PPA1: variants seen among roughly 807,000 people sequenced by gnomAD.
The protein encoded by PPA1 is inorganic pyrophosphatase.
PPA1 carries 23 observed loss-of-function variants against 41.8 expected under a neutral mutation model. That is an observed-to-expected ratio of 0.55 (90% confidence interval 0.40 to 0.78). The LOEUF is 0.78. PPA1 is among the 30% of genes least tolerant of loss of function. PPA1 has a pLI of 0.00. For missense variants in PPA1, 320 were observed against 361.6 expected (o/e 0.89, Z 0.93); for synonymous variants, 101 against 116.8 (o/e 0.86, Z 0.87).
chr10:70,232,349 T>C (rs970557876), intron 1 of PPA1, among the ~76,000 whole-genome samples: 1 of 152,148 alleles, frequency 6.6e-6, no homozygotes, highest in Non-Finnish European at 1.5e-5. Context: ...ACGCCTCCGT[T>C]ATCGCCCATA....
At chr10:70,203,349 G>GT (rs1408250568) in intron 10 of PPA1, among the ~76,000 whole-genome samples, 163 bp from the exon 11 acceptor site, 1 of 152,048 alleles carries the variant, frequency 6.6e-6, no homozygotes, top group Non-Finnish European at 1.5e-5. Flanking sequence ...AAATGCAGGT[G>GT]TTTTCTTTTG....
At chr10:70,227,910 AAAAG>A (rs747938523) in intron 2 of PPA1, among the ~76,000 whole-genome samples, 32 of 152,210 alleles carry the variant, frequency 2.1e-4, no homozygotes, top group Non-Finnish European at 4.3e-4. Flanking sequence ...TTTTTTATAC[AAAAG>A]AAAGAAAATC....
intron 2 of PPA1, among the ~76,000 whole-genome samples, chr10:70,228,954 A>G (rs1389792135): frequency 6.6e-6 from 1 of 152,256 alleles, no homozygotes; most frequent in Non-Finnish European, 1.5e-5. Flanking sequence ...TTCGTGTTGT[A>G]TATTGACATC....
chr10:70,206,608 G>A (rs1251987301), intron 8 of PPA1, among the ~76,000 whole-genome samples: 1 of 151,866 alleles, frequency 6.6e-6, no homozygotes, highest in Non-Finnish European at 1.5e-5. Context: ...CACTTTGGGA[G>A]GCTGAGGCAG....
Position 70,218,491 on chromosome 10 carries a change from C to G in PPA1, c.177+273G>C, listed in dbSNP as rs1840102535. On this transcript the variant is annotated intron_variant, in intron 3 of 10. Transcript: ENST00000373232. ...TAAGGAGGGGTCAGTGAAGGGCTTA[C>G]AGAGAGTAAGAGGAGAAAAAGTAAT... The G allele has an allele frequency of 2.3e-5, 9 of 392,268 alleles. No individual in the cohort carries two copies. In the South Asian group the frequency reaches 3.2e-4, roughly 14 times the overall value. The allele number at this position is 392,268 out of a possible 1,614,324, so 24.3% of individuals were successfully genotyped here. A position where few individuals can be genotyped will look rare whatever the true frequency, so the allele number is the denominator to read the frequency against.
chr10:70,204,946 C>T, intron 9 of PPA1, 31 bp from the exon 10 acceptor site: 1 of 1,520,630 alleles, frequency 6.6e-7, no homozygotes, highest in Non-Finnish European at 9.0e-7. Flanking sequence ...ATCTATTAGT[C>T]TAATCTCATT....
intron 7 of PPA1, 134 bp from the exon 8 acceptor site, chr10:70,209,424 T>A (rs1455607287): frequency 3.8e-6 from 5 of 1,318,436 alleles, no homozygotes; most frequent in Admixed American, 2.5e-5. Flanking sequence ...AATATTAAAG[T>A]GAATAAATAA....
At chr10:70,212,878 C>G (rs1049995764) in intron 6 of PPA1, among the ~76,000 whole-genome samples, 1 of 149,902 alleles carries the variant, frequency 6.7e-6, no homozygotes, top group African/African-American at 2.4e-5. Flanking sequence ...ACGGATGAAT[C>G]CTGAAGACAC....
chr10:70,205,635 T>A (rs184654925), intron 9 of PPA1: 33 of 152,244 alleles, frequency 2.2e-4, no homozygotes, highest in African/African-American at 7.2e-4. Flanking sequence ...ACTGGTTTCA[T>A]CATTAAATTG....
chr10:70,212,702 G>A (rs1203251751), intron 6 of PPA1, among the ~76,000 whole-genome samples: 2 of 152,060 alleles, frequency 1.3e-5, no homozygotes, highest in Non-Finnish European at 2.9e-5. Flanking sequence ...GAGAGGAGGA[G>A]GGAATAGGGA....
chr10:70,232,325 T>G (rs188547574), intron 1 of PPA1, among the ~76,000 whole-genome samples: 9 of 152,250 alleles, frequency 5.9e-5, no homozygotes, highest in Admixed American at 2.0e-4. Flanking sequence ...GCGCCTGTGG[T>G]GACACATTTA....
At chr10:70,217,722 C>T in intron 4 of PPA1, 90 bp downstream of exon 4, 1 of 1,199,868 alleles carries the variant, frequency 8.3e-7, no homozygotes, top group East Asian at 2.7e-5. Context: ...AAAAACTCTC[C>T]ACAGGTATTC....
chr10:70,205,505 T>G (rs1839929400), intron 9 of PPA1: 1 of 152,114 alleles, frequency 6.6e-6, no homozygotes, highest in South Asian at 2.1e-4. Context: ...ATTTATAAAA[T>G]ATGGGCAGTG....
chr10:70,209,740 GA>G, intron 6 of PPA1, 55 bp from the exon 7 acceptor site: 1 of 1,510,754 alleles, frequency 6.6e-7, no homozygotes, highest in Non-Finnish European at 9.0e-7. Flanking sequence ...TAAAAAGAAA[GA>G]AGAGAATAAG....
intron 6 of PPA1, 60 bp from the exon 7 acceptor site, chr10:70,209,745 G>C (rs76629972): frequency 0.02 from 29,488 of 1,496,244 alleles, 769 homozygotes; most frequent in African/African-American, 0.12. Flanking sequence ...AGAAAGAAGA[G>C]AATAAGCAGA....
At chr10:70,223,804 A>G (rs973218129) in intron 2 of PPA1, among the ~76,000 whole-genome samples, 1 of 152,204 alleles carries the variant, frequency 6.6e-6, no homozygotes, top group Non-Finnish European at 1.5e-5. Flanking sequence ...TTACAAATTC[A>G]TTCCTTCTTC....
chr10:70,209,231 C>G lies in PPA1; in HGVS notation c.699G>C (p.Lys233Asn). ...AACTGATTCCTTTTCCATTCGTTTT[C>G]TTAGTCACTAATGCTTTCCAATGGT... The part of the protein sequence containing the change: ...THDHWKALVT[K>N]KTNGKGISCM... The change falls in exon 8 of 11, where the codon AAG becomes AAC. Residue 233 changes from lysine (K) to asparagine (N), a missense_variant. Coordinates refer to ENST00000373232, the MANE Select transcript of PPA1 (RefSeq NM_021129.4). The G allele has an allele frequency of 6.2e-7, 1 of 1,602,854 alleles. No homozygotes were observed. Among genetic ancestry groups the G allele is most frequent in the South Asian group, 1.1e-5 (1 of 90,824 alleles).
rs1840265417 is a variant in PPA1 at position 70,229,513 on chromosome 10, T to TA, written c.123+827dup. ...TAAGCCTACCAATCTGTATTAAAGT[T>TA]AGGTTTCTTCTCACTGGTGTATACA... On this transcript the variant is annotated intron_variant, in intron 2 of 10. Coordinates refer to ENST00000373232, the MANE Select transcript of PPA1 (RefSeq NM_021129.4). 2.0e-5 allele frequency among the ~76,000 whole-genome samples: 3 copies of TA among 152,230 alleles called. No individual in the cohort carries two copies. The South Asian group carries it at 6.2e-4, about 32-fold the overall frequency.
rs1217335090 is a variant in PPA1, at chr10:70,203,035, ATTTAC to A, written c.*115_*119del. On this transcript the variant is annotated 3_prime_UTR_variant, in exon 11 of 11. Coordinates refer to ENST00000373232, the MANE Select transcript of PPA1 (RefSeq NM_021129.4). The stretch of plus-strand genomic sequence containing the variant: ...AGTATATTGGATTAGTCACAGCAGA[ATTTAC>A]TTTAGTTAGATGAGTTCTACAAATT... 29 of 998,336 alleles carry A rather than the reference ATTTAC, an allele frequency of 2.9e-5. No homozygotes were observed. Among genetic ancestry groups the A allele is most frequent in the South Asian group, 1.4e-4 (10 of 73,846 alleles). 61.8% of individuals were successfully genotyped at this position (998,336 alleles called of 1,614,324 possible).
Sources: allele counts gnomAD v4.1 joint callset (sites outside exome capture counted in the v4.1 genomes callset), GRCh38; gene constraint gnomAD v4.1.1; transcripts MANE v1.5; gene names NCBI Gene and HGNC (gene_info 2026-07-23, HGNC 2026-07-21).